KHDRBS2: variants seen among roughly 807,000 people sequenced by gnomAD.
KHDRBS2 encodes the protein KH RNA binding domain containing, signal transduction associated 2.
Under a neutral mutation model 44.3 loss-of-function variants are expected in KHDRBS2, and 26 were observed. The ratio of observed to expected loss-of-function variants is 0.59; its 90% CI spans 0.43 to 0.81. The LOEUF (loss-of-function observed/expected upper bound fraction) is 0.81. Among genes scored for constraint, KHDRBS2 ranks in the 40% least tolerant of loss-of-function variants. The probability of loss-of-function intolerance (pLI) is 0.00; values close to 1 mark genes in which losing one functional copy is unlikely to be tolerated. For synonymous variants in KHDRBS2, 194 were observed against 151.1 expected, an observed-to-expected ratio of 1.28 and a Z score of -2.08; for missense variants, 476 against 433.1, an observed-to-expected ratio of 1.10 and a Z score of -0.88.
chr6:61,620,101 G>T, the KHDRBS2 span, among the ~76,000 whole-genome samples: 1 of 151,960 alleles, frequency 6.6e-6, no homozygotes, highest in Non-Finnish European at 1.5e-5. Context: ...AACTCCACGT[G>T]TAGTTTTTAT....
intron 2 of KHDRBS2, among the ~76,000 whole-genome samples, chr6:62,113,491 C>T (rs1014266488): frequency 1.3e-5 from 2 of 151,966 alleles, no homozygotes; most frequent in Non-Finnish European, 2.9e-5. Context: ...AAAAATATTG[C>T]TTTGTTTTGA....
chr6:61,720,263 C>T (rs1289329531), intron 7 of KHDRBS2, among the ~76,000 whole-genome samples: 3 of 152,100 alleles, frequency 2.0e-5, no homozygotes, highest in Non-Finnish European at 4.4e-5. Flanking sequence ...TTTGTAGCAG[C>T]ATGATTTAGA....
chr6:62,000,855 A>G (rs760332177), intron 3 of KHDRBS2, among the ~76,000 whole-genome samples: 4 of 152,214 alleles, frequency 2.6e-5, no homozygotes, highest in Non-Finnish European at 5.9e-5. Flanking sequence ...ATGGTCCTTC[A>G]ATAGCAAAAA....
chr6:61,835,962 G>T (rs545778444), intron 6 of KHDRBS2, among the ~76,000 whole-genome samples: 1 of 151,704 alleles, frequency 6.6e-6, no homozygotes, highest in Admixed American at 6.6e-5. Flanking sequence ...GATATTTCCC[G>T]GGATAACAAA....
intron 2 of KHDRBS2, among the ~76,000 whole-genome samples, chr6:62,063,148 A>G: frequency 9.6e-6 from 1 of 104,014 alleles, no homozygotes; most frequent in Non-Finnish European, 2.2e-5. Context: ...TAGTTTACCA[A>G]CCAAAAAGAG....
At chr6:61,598,794 T>C in the KHDRBS2 span, among the ~76,000 whole-genome samples, 1 of 148,540 alleles carries the variant, frequency 6.7e-6, no homozygotes, top group Non-Finnish European at 1.5e-5. Flanking sequence ...GACAGCCAAA[T>C]TCTAAACTCT....
At chr6:61,809,986 A>G (rs1787846960) in intron 6 of KHDRBS2, among the ~76,000 whole-genome samples, 1 of 152,130 alleles carries the variant, frequency 6.6e-6, no homozygotes, top group African/African-American at 2.4e-5. Flanking sequence ...ATACTACAGG[A>G]GCAAGGATTG....
chr6:61,672,752 T>A, the KHDRBS2 span, among the ~76,000 whole-genome samples: 4 of 151,366 alleles, frequency 2.6e-5, no homozygotes, highest in Non-Finnish European at 4.4e-5. Flanking sequence ...ATTAGCCCTT[T>A]GTCAGATGAG....
chr6:61,677,593 A>C (rs437239), downstream of KHDRBS2, among the ~76,000 whole-genome samples: 123,700 of 151,804 alleles, frequency 0.81, 51,173 homozygotes, highest in Non-Finnish European at 0.9. Context: ...GGGTAGTTTT[A>C]TTAGGAACAG....
chr6:61,828,574 A>C (rs1292732556), intron 6 of KHDRBS2, among the ~76,000 whole-genome samples: 1 of 152,208 alleles, frequency 6.6e-6, no homozygotes, highest in Non-Finnish European at 1.5e-5. Context: ...AAAAGATATT[A>C]TTCTTTAAAT....
chr6:62,162,238 C>G (rs768181010), intron 2 of KHDRBS2, among the ~76,000 whole-genome samples: 12 of 151,968 alleles, frequency 7.9e-5, no homozygotes, highest in Non-Finnish European at 1.3e-4. Flanking sequence ...CCCTGAAGGA[C>G]CCCCTGAAGC....
intron 3 of KHDRBS2, among the ~76,000 whole-genome samples, chr6:62,025,439 ATTAAC>A (rs1300198354): frequency 1.3e-5 from 2 of 151,780 alleles, no homozygotes; most frequent in Non-Finnish European, 2.9e-5. Context: ...AATATACACT[ATTAAC>A]TTATTTTCAT....
At chr6:61,784,501 C>A (rs1783485598) in intron 6 of KHDRBS2, among the ~76,000 whole-genome samples, 1 of 151,706 alleles carries the variant, frequency 6.6e-6, no homozygotes, top group South Asian at 2.1e-4. Context: ...CATTGCATAC[C>A]AATTTTGTTT....
chr6:62,143,243 G>A (rs1245678672), intron 2 of KHDRBS2, among the ~76,000 whole-genome samples: 1 of 151,658 alleles, frequency 6.6e-6, no homozygotes, highest in African/African-American at 2.4e-5. Flanking sequence ...TAAGCTGATG[G>A]GTATAATTCC....
intron 6 of KHDRBS2, among the ~76,000 whole-genome samples, chr6:61,794,954 C>T (rs2127586928): frequency 6.6e-6 from 1 of 151,902 alleles, no homozygotes; most frequent in African/African-American, 2.4e-5. Context: ...ACCTGGCCAA[C>T]ATGGTGAAAC....
intron 4 of KHDRBS2, among the ~76,000 whole-genome samples, chr6:61,923,351 A>T (rs972498284): frequency 4.6e-5 from 7 of 152,124 alleles, no homozygotes; most frequent in African/African-American, 1.7e-4. Flanking sequence ...TATTATAACT[A>T]TGCCAATAAA....
intron 1 of KHDRBS2, among the ~76,000 whole-genome samples, chr6:62,177,926 G>T (rs1241033393): frequency 1.3e-5 from 2 of 151,112 alleles, no homozygotes; most frequent in South Asian, 2.1e-4. Context: ...TACCAAATTC[G>T]ATATTTTGGA....
intron 6 of KHDRBS2, among the ~76,000 whole-genome samples, chr6:61,815,109 A>G (rs954788005): frequency 1.3e-5 from 2 of 151,664 alleles, no homozygotes; most frequent in Non-Finnish European, 2.9e-5. Context: ...TTTTTTTCAA[A>G]TATTTTCCAC....
intron 8 of KHDRBS2, among the ~76,000 whole-genome samples, chr6:61,694,546 A>G (rs146851030): frequency 6.6e-6 from 1 of 152,240 alleles, no homozygotes; most frequent in East Asian, 1.9e-4. Context: ...CCTCATTCCT[A>G]TATGATTAAG....
Sources: gnomAD v4.1 joint callset for allele counts (sites outside exome capture counted in the v4.1 genomes callset) on GRCh38, gnomAD v4.1.1 for gene constraint, MANE v1.5 for transcripts, NCBI Gene and HGNC (gene_info 2026-07-23, HGNC 2026-07-21) for gene names.